Variants in AQP10 observed in about 807,000 individuals in gnomAD.
AQP10 encodes the protein aquaporin-10.
AQP10 carries 15 observed loss-of-function variants against 21.0 expected under a neutral mutation model. The observed-to-expected ratio is 0.71, with a 90% CI of 0.48 to 1.10. The LOEUF (loss-of-function observed/expected upper bound fraction) is 1.10, where lower values mean the gene tolerates loss of function less well. AQP10 is among the 50% of genes least tolerant of loss of function. AQP10 has a pLI of 0.00. For synonymous variants in AQP10, 143 were observed against 155.7 expected, an observed-to-expected ratio of 0.92 and a Z score of 0.61; for missense variants, 268 against 379.5, an observed-to-expected ratio of 0.71 and a Z score of 2.44.
Position 154,324,675 on chromosome 1 carries a change from T to G in AQP10, c.*195T>G. On this transcript the variant is annotated 3_prime_UTR_variant, in exon 6 of 6. Coordinates refer to ENST00000324978, the MANE Select transcript of AQP10 (RefSeq NM_080429.3). Reference sequence around the variant, plus strand: ...GTGGAGGAGGATAAGGTACCAGGACTCAGGCTTCTCATCCCCTCCTCCCGC... The same window carrying G: ...GTGGAGGAGGATAAGGTACCAGGACGCAGGCTTCTCATCCCCTCCTCCCGC... 1 of 524,094 alleles carries G rather than the reference T, an allele frequency of 1.9e-6. No individual in the cohort carries two copies. Among genetic ancestry groups the G allele is most frequent in the Non-Finnish European group, 3.2e-6 (1 of 313,130 alleles). The allele number at this position is 524,094 out of a possible 1,614,324, so 32.5% of individuals were successfully genotyped here. A position where few individuals can be genotyped will look rare whatever the true frequency, so the allele number is the denominator to read the frequency against.
intron 5 of AQP10, 194 bp from the exon 6 acceptor site, chr1:154,324,088 C>A: frequency 8.0e-7 from 1 of 1,251,208 alleles, no homozygotes; most frequent in Non-Finnish European, 1.1e-6. Flanking sequence ...TTCCCTAAGG[C>A]AAGAGGCTGG....
intron 2 of AQP10, among the ~76,000 whole-genome samples, chr1:154,322,373 T>G (rs1685664805): frequency 6.6e-6 from 1 of 152,132 alleles, no homozygotes; most frequent in Admixed American, 6.5e-5. Context: ...CTCTCCTGTT[T>G]GTACCCCAGA....
Position 154,323,478 on chromosome 1 carries a change from C to T in AQP10, c.490-111C>T. ...GTCTATCTTGGCACTCCCCACCATC[C>T]CCAACTGCCTGTGTTGCACAAAGCC... is the stretch of plus-strand genomic sequence containing the variant. On this transcript the variant is annotated intron_variant, in intron 4 of 5. Coordinates refer to ENST00000324978, the MANE Select transcript of AQP10 (RefSeq NM_080429.3). The surrounding 1 kb of genome is among the most constrained non-coding windows in gnomAD (Gnocchi z 4.5). 1 of 1,489,662 alleles carries T rather than the reference C, an allele frequency of 6.7e-7. No homozygotes were observed. Among genetic ancestry groups the T allele is most frequent in the Non-Finnish European group, 9.2e-7 (1 of 1,085,104 alleles). 92.3% of individuals were successfully genotyped at this position (1,489,662 alleles called of 1,614,324 possible).
At position 154,321,160 on chromosome 1, in the gene AQP10, T is replaced by G; in HGVS notation, c.5T>G (p.Val2Gly). Residue 2 changes from valine (V) to glycine (G), a missense_variant, in exon 1 of 6, where the codon GTC (valine) becomes GGC (glycine). Physicochemically the swap from Val to Gly is moderately radical, Grantham distance 109. Transcript: ENST00000324978. M[V>G]FTQAPAEIMG... ...TAGCAATAGGGTGTTTCCACCATGG[T>G]CTTCACTCAGGCCCCGGCTGAAATC... 1 of 1,613,240 alleles carries G rather than the reference T, an allele frequency of 6.2e-7. No homozygotes were observed. Among genetic ancestry groups the G allele is most frequent in the Non-Finnish European group, 8.5e-7 (1 of 1,179,558 alleles).
chr1:154,323,453 G>A lies in AQP10; in HGVS notation c.489+94G>A. 1 of 1,503,056 alleles carries A rather than the reference G, an allele frequency of 6.7e-7. No individual in the cohort carries two copies. Among genetic ancestry groups the A allele is most frequent in the Non-Finnish European group, 9.1e-7 (1 of 1,093,294 alleles). The allele number at this position is 1,503,056 out of a possible 1,614,324, so 93.1% of individuals were successfully genotyped here. A position where few individuals can be genotyped will look rare whatever the true frequency, so the allele number is the denominator to read the frequency against. Reference sequence around the variant, plus strand: ...AGTCTCTGGGTGGAGTGTGGGTTGGGTCTATCTTGGCACTCCCCACCATCC... The same window carrying A: ...AGTCTCTGGGTGGAGTGTGGGTTGGATCTATCTTGGCACTCCCCACCATCC... On this transcript the variant is annotated intron_variant, in intron 4 of 5. Coordinates refer to ENST00000324978, the MANE Select transcript of AQP10 (RefSeq NM_080429.3). The surrounding 1 kb of genome is among the most constrained non-coding windows in gnomAD (Gnocchi z 4.5).
chr1:154,323,230 T>C lies in AQP10; in HGVS notation c.371-11T>C. On this transcript the variant is annotated splice_polypyrimidine_tract_variant and intron_variant, in intron 3 of 5. Transcript: ENST00000324978. This position sits in a 1 kb window ranked among gnomAD's most constrained non-coding sequence, Gnocchi z 4.5. ...AAAGAGGGAAATCCTGGGTGTTCCC[T>C]TCCTCCACAGATGCCCTACAGAACT... 1 of 1,613,960 alleles carries C rather than the reference T, an allele frequency of 6.2e-7. No homozygotes were observed. Among genetic ancestry groups the C allele is most frequent in the Non-Finnish European group, 8.5e-7 (1 of 1,179,838 alleles).
At position 154,324,403 on chromosome 1, in the gene AQP10, G is replaced by A. The variant is rs917274186; in HGVS notation, c.829G>A (p.Asp277Asn). 6.2e-7 allele frequency: 1 copy of A among 1,613,698 alleles called. No individual in the cohort carries two copies. The highest frequency in any genetic ancestry group is 1.1e-5 in the South Asian group (1 of 91,082). Residue 277 changes from aspartate to asparagine, a missense_variant, in exon 6 of 6, where the codon GAT becomes AAT. Asp to Asn is a conservative substitution (Grantham distance 23). This residue lies in a region of AQP10 where 229 missense variants were observed against 295.1 expected (regional missense o/e 0.78). Transcript: ENST00000324978. ...HHPEGPEPAQDLVSAQHKASE... is the reference protein window; with the variant it reads ...HHPEGPEPAQNLVSAQHKASE... ...CCCTGAGGGCCCAGAGCCAGCTCAG[G>A]ATCTGGTGTCTGCTCAACACAAAGC...
rs562714317 is a variant in AQP10, at chr1:154,324,591, C to T, written c.*111C>T. 1.5e-4 allele frequency: 167 copies of T among 1,113,120 alleles called. 1 individual carries two copies. The Admixed American group carries it at 4.4e-3, about 29-fold the overall frequency. 69.0% of individuals were successfully genotyped at this position (1,113,120 alleles called of 1,614,324 possible). ...ATGTGCCAGAACCTGGGAGGCTTCT[C>T]TGTTTATCTGTTTGGCATCCCTTCC... is the stretch of plus-strand genomic sequence containing the variant. On this transcript the variant is annotated 3_prime_UTR_variant, in exon 6 of 6. Transcript: ENST00000324978.
Position 154,321,270 on chromosome 1 carries a change from A to T in AQP10, c.105+10A>T. The T allele has an allele frequency of 6.2e-7, 1 of 1,607,568 alleles. No homozygotes were observed. The highest frequency in any genetic ancestry group is 8.5e-7 in the Non-Finnish European group (1 of 1,176,710). Reference sequence around the variant, plus strand: ...TGTGTTTGTACTCATGGTAGGTAGGATCACTGCGGGAAGGAAAGAAGGGGG... The same window carrying T: ...TGTGTTTGTACTCATGGTAGGTAGGTTCACTGCGGGAAGGAAAGAAGGGGG... On this transcript the variant is annotated intron_variant, in intron 1 of 5. Coordinates refer to ENST00000324978, the MANE Select transcript of AQP10 (RefSeq NM_080429.3).
Position 154,323,194 on chromosome 1 carries a change from G to C in AQP10, c.371-47G>C. The C allele has an allele frequency of 6.2e-7, 1 of 1,613,824 alleles. No homozygotes were observed. The highest frequency in any genetic ancestry group is 8.5e-7 in the Non-Finnish European group (1 of 1,179,750). ...GCAGGGGTGCCTCAGAATGGTTTTG[G>C]ATGAATGAGCAAAGAGGGAAATCCT... is the stretch of plus-strand genomic sequence containing the variant. On this transcript the variant is annotated intron_variant, in intron 3 of 5. Coordinates refer to ENST00000324978, the MANE Select transcript of AQP10 (RefSeq NM_080429.3). The surrounding 1 kb of genome is among the most constrained non-coding windows in gnomAD (Gnocchi z 4.5).
Position 154,324,668 on chromosome 1 carries a change from C to A in AQP10, c.*188C>A. On this transcript the variant is annotated 3_prime_UTR_variant, in exon 6 of 6. Transcript: ENST00000324978. The stretch of plus-strand genomic sequence containing the variant: ...GGGAGAAGTGGAGGAGGATAAGGTA[C>A]CAGGACTCAGGCTTCTCATCCCCTC... The A allele has an allele frequency of 1.7e-6, 1 of 572,576 alleles. No individual in the cohort carries two copies. Among genetic ancestry groups the A allele is most frequent in the Non-Finnish European group, 2.9e-6 (1 of 349,092 alleles). The allele number at this position is 572,576 out of a possible 1,614,324, so 35.5% of individuals were successfully genotyped here. A position where few individuals can be genotyped will look rare whatever the true frequency, so the allele number is the denominator to read the frequency against.
At chr1:154,324,243 A>T in intron 5 of AQP10, 39 bp from the exon 6 acceptor site, 1 of 1,501,142 alleles carries the variant, frequency 6.7e-7, no homozygotes, top group Non-Finnish European at 8.9e-7. Context: ...AGGCTAAGGG[A>T]GTCACTCCTG....
In AQP10 at chr1:154,323,322, C is replaced by T. The variant is rs774186017; in HGVS notation, c.452C>T (p.Ala151Val). The part of the protein sequence containing the change: ...ETASIFATYP[A>V]PYLSLNNGFL... ...GCCTCCATTTTTGCCACCTATCCTG[C>T]CCCCTATCTGTCCCTGAACAATGGC... The change falls in exon 4 of 6, where the codon GCC becomes GTC. Residue 151 changes from alanine (A) to valine (V), a missense_variant. Physicochemically the swap from Ala to Val is moderately conservative, Grantham distance 64. This residue lies in a region of AQP10 where 229 missense variants were observed against 295.1 expected (regional missense o/e 0.78). Transcript: ENST00000324978. This position sits in a 1 kb window ranked among gnomAD's most constrained non-coding sequence, Gnocchi z 4.5. 5 of 1,614,040 alleles carry T rather than the reference C, an allele frequency of 3.1e-6. No individual in the cohort carries two copies. The African/African-American group carries it at 4.0e-5, about 13-fold the overall frequency.
intron 1 of AQP10, among the ~76,000 whole-genome samples, chr1:154,321,648 A>G (rs1043442548): frequency 1.1e-4 from 16 of 152,220 alleles, no homozygotes; most frequent in Non-Finnish European, 2.1e-4. Flanking sequence ...GAACTCTTCC[A>G]TAGAAAGAAT....
chr1:154,323,924 T>G lies in AQP10; in HGVS notation c.707+118T>G. On this transcript the variant is annotated intron_variant, in intron 5 of 5. Transcript: ENST00000324978. This position sits in a 1 kb window ranked among gnomAD's most constrained non-coding sequence, Gnocchi z 4.5. ...GCTCTCTTGGCTTCTTAGGACAGTG[T>G]TCTTTCTCCAAGTCATATTCTCCCC... 6.7e-7 allele frequency: 1 copy of G among 1,497,252 alleles called. No individual in the cohort carries two copies. Among genetic ancestry groups the G allele is most frequent in the South Asian group, 1.3e-5 (1 of 75,592 alleles). The allele number at this position is 1,497,252 out of a possible 1,614,324, so 92.7% of individuals were successfully genotyped here. A position where few individuals can be genotyped will look rare whatever the true frequency, so the allele number is the denominator to read the frequency against.
At position 154,324,530 on chromosome 1, in the gene AQP10, C is replaced by G. The variant is rs1469968712; in HGVS notation, c.*50C>G. 1 of 1,562,944 alleles carries G rather than the reference C, an allele frequency of 6.4e-7. No individual in the cohort carries two copies. The highest frequency in any genetic ancestry group is 1.8e-5 in the Admixed American group (1 of 55,142). On this transcript the variant is annotated 3_prime_UTR_variant, in exon 6 of 6. Transcript: ENST00000324978. ...TGGACCCTGGAGCCAGCCACTGACC[C>G]CGCCTGGGAACAACAGTCATTCTTC... is the stretch of plus-strand genomic sequence containing the variant.
chr1:154,323,683 G>T lies in AQP10; in HGVS notation c.584G>T (p.Gly195Val). ...GCGGGTCTGGAGCCTGTGGTGGTGG[G>T]GATGCTGATCCTGGCCCTCGGGTTA... is the stretch of plus-strand genomic sequence containing the variant. The part of the protein sequence containing the change: ...VPAGLEPVVV[G>V]MLILALGLSM... The change falls in exon 5 of 6, where the codon GGG becomes GTG. Residue 195 changes from glycine to valine, a missense_variant. Physicochemically the swap from Gly to Val is moderately radical, Grantham distance 109. This residue lies in a region of AQP10 where 229 missense variants were observed against 295.1 expected (regional missense o/e 0.78). Transcript: ENST00000324978. The surrounding 1 kb of genome is among the most constrained non-coding windows in gnomAD (Gnocchi z 4.5). 6.2e-7 allele frequency: 1 copy of T among 1,614,200 alleles called. No homozygotes were observed. The highest frequency in any genetic ancestry group is 1.1e-5 in the South Asian group (1 of 91,080).
chr1:154,324,009 T>C (rs1685706566), intron 5 of AQP10: 1 of 1,437,902 alleles, frequency 7.0e-7, no homozygotes, highest in East Asian at 2.5e-5. Flanking sequence ...GAGGTTGTGT[T>C]CTTAGGCATG....
rs1272439256 is a variant in AQP10 at position 154,324,686 on chromosome 1, AT to A, written c.*207del. 3.7e-5 allele frequency: 18 copies of A among 490,396 alleles called. No homozygotes were observed. Among genetic ancestry groups the A allele is most frequent in the African/African-American group, 3.6e-4 (18 of 50,026 alleles). 30.4% of individuals were successfully genotyped at this position (490,396 alleles called of 1,614,324 possible). A position where few individuals can be genotyped will look rare whatever the true frequency, so the allele number is the denominator to read the frequency against. ...TAAGGTACCAGGACTCAGGCTTCTC[AT>A]CCCCTCCTCCCGCAAAGCGGTTTTC... On this transcript the variant is annotated 3_prime_UTR_variant, in exon 6 of 6. Transcript: ENST00000324978.
Sources: gnomAD v4.1 joint callset for allele counts (sites outside exome capture counted in the v4.1 genomes callset) on GRCh38, gnomAD v4.1.1 for gene constraint, gnomAD v4.1.1 regional missense constraint, Gnocchi (gnomAD v3.1) non-coding constraint, MANE v1.5 for transcripts, NCBI Gene and HGNC (gene_info 2026-07-23, HGNC 2026-07-21) for gene names.